SLC39A8: variants seen among roughly 807,000 people sequenced by gnomAD.
SLC39A8 encodes solute carrier family 39 member 8, also known as metal cation symporter ZIP8.
SLC39A8 carries 15 observed loss-of-function variants against 40.4 expected under a neutral mutation model. The observed-to-expected ratio is 0.37, with a 90% CI of 0.25 to 0.57. The LOEUF is 0.57. Ranked by LOEUF, SLC39A8 falls within the 20% of genes least tolerant of loss-of-function variation. The pLI, the probability that SLC39A8 is intolerant of heterozygous loss-of-function variation, is 0.75. For missense variants in SLC39A8, 472 were observed against 558.8 expected (o/e 0.84, Z 1.57); for synonymous variants, 223 against 221.6 (o/e 1.01, Z -0.06).
chr4:102,293,988 C>G (rs979457876), intron 6 of SLC39A8, among the ~76,000 whole-genome samples: 1 of 150,740 alleles, frequency 6.6e-6, no homozygotes, highest in African/African-American at 2.4e-5. Context: ...ACTTGATACA[C>G]GGCAGGAATA....
chr4:102,298,140 T>C (rs1733758084), intron 6 of SLC39A8, among the ~76,000 whole-genome samples: 1 of 151,632 alleles, frequency 6.6e-6, no homozygotes, highest in African/African-American at 2.4e-5. Context: ...CTTGTTAAAG[T>C]AAGAAAATAA....
chr4:102,314,444 C>CTG (rs1734571829), intron 3 of SLC39A8, among the ~76,000 whole-genome samples: 1 of 152,072 alleles, frequency 6.6e-6, no homozygotes, highest in Non-Finnish European at 1.5e-5. Flanking sequence ...TGACTTCACA[C>CTG]TACATTCAGA....
chr4:102,307,525 T>A lies in SLC39A8; in HGVS notation c.463A>T (p.Lys155Ter). The A allele has an allele frequency of 6.2e-7, 1 of 1,613,514 alleles. No individual in the cohort carries two copies. ...GTCAAAATCTTTGGGAAATAAGATT[T>A]CTTTATCAGTGGAGTCAAAATCAAT... ...LGLILTPLIK[K>*]SYFPKILTFF... The change falls in exon 4 of 9, where the codon AAA becomes TAA. Residue 155 changes from lysine (K) to a stop codon, truncating the protein, a stop_gained. Coordinates refer to ENST00000356736, the MANE Select transcript of SLC39A8 (RefSeq NM_001135146.2). LOFTEE classifies it high-confidence loss of function.
chr4:102,251,163 G>A (rs1731577491), exon 12 of SLC39A8: 1 of 152,164 alleles, frequency 6.6e-6, no homozygotes, highest in Admixed American at 6.5e-5. Flanking sequence ...ATCAGATTAA[G>A]GTTATTAGCA....
At chr4:102,305,695 C>T (rs907661997) in intron 4 of SLC39A8, among the ~76,000 whole-genome samples, 3 of 151,524 alleles carry the variant, frequency 2.0e-5, no homozygotes, top group Non-Finnish European at 3.0e-5. Context: ...ATTGCCACCA[C>T]TCTCTCTCTC....
At chr4:102,338,248 G>A (rs1048516662) in intron 2 of SLC39A8, among the ~76,000 whole-genome samples, 12 of 148,584 alleles carry the variant, frequency 8.1e-5, no homozygotes, top group Non-Finnish European at 1.5e-4. Context: ...GTGCAGTGGC[G>A]CCATCTCGGC....
rs1731908914 is a variant in SLC39A8 at position 102,262,504 on chromosome 4, C to G, written c.*540G>C. ...TTCCTAATTGAAATACAAAACAGAA[C>G]AAAAAGCTGTGAGAAATCTTTTTTT... On this transcript the variant is annotated 3_prime_UTR_variant, in exon 9 of 9. Coordinates refer to ENST00000356736, the MANE Select transcript of SLC39A8 (RefSeq NM_001135146.2). 1 of 985,192 alleles carries G rather than the reference C, an allele frequency of 1.0e-6. No individual in the cohort carries two copies. The allele number at this position is 985,192 out of a possible 1,614,324, so 61.0% of individuals were successfully genotyped here.
At chr4:102,305,590 G>A (rs756004981) in intron 4 of SLC39A8, among the ~76,000 whole-genome samples, 3 of 151,944 alleles carry the variant, frequency 2.0e-5, no homozygotes, top group African/African-American at 4.8e-5. Context: ...TTTCCCAAGA[G>A]AAATCCTCTT....
At chr4:102,336,878 C>T (rs1233667269) in intron 2 of SLC39A8, among the ~76,000 whole-genome samples, 2 of 152,134 alleles carry the variant, frequency 1.3e-5, no homozygotes, top group African/African-American at 4.8e-5. Context: ...TGATTACAAA[C>T]AGGAATCTAC....
At chr4:102,286,550 TA>T (rs67215564) in intron 6 of SLC39A8, among the ~76,000 whole-genome samples, 40,188 of 151,976 alleles carry the variant, frequency 0.26, 5,609 homozygotes, top group South Asian at 0.37. Flanking sequence ...AAAGGCGAGA[TA>T]ACGGTAGAGG....
intron 2 of SLC39A8, among the ~76,000 whole-genome samples, chr4:102,331,899 A>G (rs62327959): frequency 0.13 from 20,027 of 152,214 alleles, 1,584 homozygotes; most frequent in South Asian, 0.28. Flanking sequence ...AAACCTCACA[A>G]AAACAAGCAA....
intron 2 of SLC39A8, among the ~76,000 whole-genome samples, chr4:102,336,858 T>G (rs1343052305): frequency 6.6e-6 from 1 of 152,172 alleles, no homozygotes; most frequent in Admixed American, 6.5e-5. Flanking sequence ...GAGAATAAAT[T>G]AATTAGTTTT....
chr4:102,290,516 T>C (rs1281241646), intron 6 of SLC39A8, among the ~76,000 whole-genome samples: 1 of 152,060 alleles, frequency 6.6e-6, no homozygotes, highest in Non-Finnish European at 1.5e-5. Context: ...ATCACCTGGC[T>C]CCCAGTGCAC....
At chr4:102,266,834 T>C (rs1409274173) in intron 8 of SLC39A8, among the ~76,000 whole-genome samples, 1 of 152,026 alleles carries the variant, frequency 6.6e-6, no homozygotes, top group Non-Finnish European at 1.5e-5. Context: ...TCTAGATCTC[T>C]TGACCTTGTG....
At chr4:102,333,877 G>T (rs2149053008) in intron 2 of SLC39A8, among the ~76,000 whole-genome samples, 1 of 152,226 alleles carries the variant, frequency 6.6e-6, no homozygotes, top group Admixed American at 6.5e-5. Context: ...ATGAGCAAAG[G>T]AAATCAAAAT....
chr4:102,258,079 G>A (rs1731748736), downstream of SLC39A8, among the ~76,000 whole-genome samples: 1 of 151,704 alleles, frequency 6.6e-6, no homozygotes, highest in Admixed American at 6.6e-5. Context: ...CCATTACACA[G>A]GTTTGTTGTA....
chr4:102,291,413 C>A (rs1237525789), intron 6 of SLC39A8, among the ~76,000 whole-genome samples: 2 of 152,016 alleles, frequency 1.3e-5, no homozygotes, highest in African/African-American at 4.8e-5. Flanking sequence ...CATGGCAGAT[C>A]TTCCCAATCT....
At chr4:102,313,168 G>C (rs1734519596) in intron 3 of SLC39A8, among the ~76,000 whole-genome samples, 1 of 152,084 alleles carries the variant, frequency 6.6e-6, no homozygotes, top group African/African-American at 2.4e-5. Flanking sequence ...GAATATCAAT[G>C]AGAACATGGG....
rs1478527613 is a variant in SLC39A8 at position 102,304,342 on chromosome 4, T to C, written c.815A>G (p.Asp272Gly). The C allele has an allele frequency of 6.2e-7, 1 of 1,611,070 alleles. No individual in the cohort carries two copies. Among genetic ancestry groups the C allele is most frequent in the Admixed American group, 1.7e-5 (1 of 59,830 alleles). ...VTEANGHIHF[D>G]NVSVVSLQDG... is the part of the protein sequence containing the mutation. The stretch of plus-strand genomic sequence containing the variant: ...CTGTAGAGATACCACACTGACATTA[T>C]CAAAATGGATATGTCCATTAGCTTC... Residue 272 changes from aspartate (D) to glycine (G), a missense_variant, in exon 6 of 9, where the codon GAT becomes GGT. This residue lies in a region of SLC39A8 where 239 missense variants were observed against 317.9 expected (regional missense o/e 0.75). Coordinates refer to ENST00000356736, the MANE Select transcript of SLC39A8 (RefSeq NM_001135146.2).
Sources: gnomAD v4.1 joint callset for allele counts (sites outside exome capture counted in the v4.1 genomes callset) on GRCh38, gnomAD v4.1.1 for gene constraint, gnomAD v4.1.1 regional missense constraint, MANE v1.5 for transcripts, NCBI Gene and HGNC (gene_info 2026-07-23, HGNC 2026-07-21) for gene names.